The following XCR1 variants were observed in gnomAD, a reference collection of about 807,000 sequenced individuals.
XCR1 encodes the protein chemokine XC receptor 1.
For synonymous variants in XCR1, 187 were observed against 188.5 expected (o/e 0.99, Z 0.06); for missense variants, 356 against 424.2 (o/e 0.84, Z 1.41).
In XCR1 at chr3:46,021,247, T is replaced by G. The variant is rs200377090; in HGVS notation, c.701A>C (p.Tyr234Ser). 5.6e-6 allele frequency: 9 copies of G among 1,614,136 alleles called. No homozygotes were observed. The highest frequency in any genetic ancestry group is 7.6e-6 in the Non-Finnish European group (9 of 1,180,024). The change falls in exon 2 of 2, where the codon TAC becomes TCC. Residue 234 changes from tyrosine (Y) to serine (S), a missense_variant. Physicochemically the swap from Tyr to Ser is moderately radical, Grantham distance 144. Transcript: ENST00000309285. The surrounding 1 kb of genome is among the most constrained non-coding windows in gnomAD (Gnocchi z 4.7). The stretch of plus-strand genomic sequence containing the variant: ...GTTGTAGGGACCCCAGCTGAGGAAG[T>G]AGGCCACCACGATGGCGAAGATGAG... ...VKLIFAIVVA[Y>S]FLSWGPYNFT...
intron 5 of XCR1, among the ~76,000 whole-genome samples, chr3:46,046,844 G>T (rs34924300): frequency 0.22 from 33,993 of 152,108 alleles, 5,236 homozygotes; most frequent in African/African-American, 0.42. Context: ...TTTAAATCAA[G>T]AATTTTGTTT....
chr3:46,017,801 C>G lies in XCR1; in HGVS notation c.*3145G>C, dbSNP rs999125371. Reference sequence around the variant, plus strand: ...CAGGAGTGGTTAGAGGTCTGCAGCTCTGTGTCCAGGACATCTCTGTTTGGA... The same window carrying G: ...CAGGAGTGGTTAGAGGTCTGCAGCTGTGTGTCCAGGACATCTCTGTTTGGA... On this transcript the variant is annotated 3_prime_UTR_variant, in exon 2 of 2. Coordinates refer to ENST00000309285, the MANE Select transcript of XCR1 (RefSeq NM_001024644.2). 3 of 152,202 alleles carry G rather than the reference C, an allele frequency of 2.0e-5. No homozygotes were observed. The highest frequency in any genetic ancestry group is 7.2e-5 in the African/African-American group (3 of 41,434). 9.4% of individuals were successfully genotyped at this position (152,202 alleles called of 1,614,324 possible).
At chr3:46,052,045 A>C (rs560934517) in intron 5 of XCR1, among the ~76,000 whole-genome samples, 1 of 98,354 alleles carries the variant, frequency 1.0e-5, no homozygotes, top group Non-Finnish European at 2.1e-5. Flanking sequence ...AAAACAAAAA[A>C]AAAACTTGAA....
At chr3:46,044,810 C>T (rs1697595245) in intron 5 of XCR1, among the ~76,000 whole-genome samples, 1 of 152,140 alleles carries the variant, frequency 6.6e-6, no homozygotes, top group South Asian at 2.1e-4. Context: ...AGGAGAAATA[C>T]AGAATATGGG....
chr3:46,077,679 A>G (rs1197018670), intron 1 of XCR1, among the ~76,000 whole-genome samples: 1 of 152,166 alleles, frequency 6.6e-6, no homozygotes. Context: ...CATAAAGCCA[A>G]TCACTAATCA....
At chr3:46,032,927 T>G (rs1708426444) in intron 5 of XCR1, among the ~76,000 whole-genome samples, 2 of 152,254 alleles carry the variant, frequency 1.3e-5, no homozygotes, top group African/African-American at 4.8e-5. Context: ...GTCTATCATC[T>G]GTGGTGAAGT....
intron 4 of XCR1, among the ~76,000 whole-genome samples, chr3:46,054,231 G>A (rs1236225586): frequency 6.6e-6 from 1 of 152,078 alleles, no homozygotes; most frequent in African/African-American, 2.4e-5. Flanking sequence ...AGGTGGGTGT[G>A]GAAGAAGGGG....
chr3:46,041,366 AG>A (rs1697534058), intron 5 of XCR1, among the ~76,000 whole-genome samples: 1 of 152,164 alleles, frequency 6.6e-6, no homozygotes, highest in African/African-American at 2.4e-5. Flanking sequence ...GCCAAGTAGA[AG>A]GGTCTGGAGC....
At chr3:46,077,279 C>T (rs1698277175) in intron 1 of XCR1, among the ~76,000 whole-genome samples, 1 of 152,108 alleles carries the variant, frequency 6.6e-6, no homozygotes, top group East Asian at 1.9e-4. Context: ...ACCGGAGGTC[C>T]TCCTCCTGTC....
intron 1 of XCR1, chr3:46,023,963 C>T (rs1392825612): frequency 8.2e-6 from 12 of 1,459,852 alleles, no homozygotes; most frequent in Middle Eastern, 2.4e-4. Flanking sequence ...TTTGTAGAAA[C>T]GTCAGAATTA....
intron 5 of XCR1, among the ~76,000 whole-genome samples, chr3:46,052,073 G>C (rs1197898077): frequency 6.6e-6 from 1 of 152,032 alleles, no homozygotes; most frequent in Non-Finnish European, 1.5e-5. Flanking sequence ...TTCATAACCA[G>C]AGTCAACAAC....
chr3:46,032,077 T>C (rs1332328463), upstream of XCR1, among the ~76,000 whole-genome samples: 2 of 152,248 alleles, frequency 1.3e-5, no homozygotes, highest in Non-Finnish European at 2.9e-5. Flanking sequence ...CTTCTCTGCA[T>C]ACTTCATTCT....
intron 3 of XCR1, among the ~76,000 whole-genome samples, chr3:46,068,849 A>G (rs1039145312): frequency 5.9e-5 from 9 of 152,068 alleles, no homozygotes; most frequent in Admixed American, 2.0e-4. Flanking sequence ...TTAGCTGACA[A>G]AATTCTAGCC....
Position 46,017,682 on chromosome 3 carries a change from C to T in XCR1, c.*3264G>A, listed in dbSNP as rs939955092. On this transcript the variant is annotated 3_prime_UTR_variant, in exon 2 of 2. Transcript: ENST00000309285. ...GGCCTGAGCTTGGAGACATGCTCCG[C>T]TCAGAGATCAGCGAGGTTCTTCTCT... 1 of 152,252 alleles carries T rather than the reference C, an allele frequency of 6.6e-6. No homozygotes were observed. The highest frequency in any genetic ancestry group is 1.5e-5 in the Non-Finnish European group (1 of 68,084). 9.4% of individuals were successfully genotyped at this position (152,252 alleles called of 1,614,324 possible). A position where few individuals can be genotyped will look rare whatever the true frequency, so the allele number is the denominator to read the frequency against.
chr3:46,037,024 C>T (rs1194618930), intron 5 of XCR1, among the ~76,000 whole-genome samples: 1 of 151,938 alleles, frequency 6.6e-6, no homozygotes, highest in African/African-American at 2.4e-5. Context: ...GAGTCATTTC[C>T]AATTAAGGAA....
chr3:46,021,587 T>C lies in XCR1; in HGVS notation c.361A>G (p.Thr121Ala), dbSNP rs1449537414. Residue 121 changes from threonine (T) to alanine (A), a missense_variant, in exon 2 of 2, where the codon ACC becomes GCC. Transcript: ENST00000309285. This position sits in a 1 kb window ranked among gnomAD's most constrained non-coding sequence, Gnocchi z 4.7. The stretch of plus-strand genomic sequence containing the variant: ...AGGTAGCGGTGGATGGTCATGATGG[T>C]CAGGAAGAAGATGCTGCTGTAGAGG... ...ISLYSSIFFL[T>A]IMTIHRYLSV... The C allele has an allele frequency of 6.2e-7, 1 of 1,611,832 alleles. No homozygotes were observed. The highest frequency in any genetic ancestry group is 8.5e-7 in the Non-Finnish European group (1 of 1,178,952).
chr3:46,019,792 C>T lies in XCR1; in HGVS notation c.*1154G>A, dbSNP rs1289823309. The stretch of plus-strand genomic sequence containing the variant: ...TGAGGAGCCACTAAGGGTTTTGAAG[C>T]ACCTGGTGTAAGGGCAGAGAACAGC... On this transcript the variant is annotated 3_prime_UTR_variant, in exon 2 of 2. Coordinates refer to ENST00000309285, the MANE Select transcript of XCR1 (RefSeq NM_001024644.2). 1.3e-5 allele frequency: 2 copies of T among 152,216 alleles called. No individual in the cohort carries two copies. The highest frequency in any genetic ancestry group is 4.8e-5 in the African/African-American group (2 of 41,440). 9.4% of individuals were successfully genotyped at this position (152,216 alleles called of 1,614,324 possible). A position where few individuals can be genotyped will look rare whatever the true frequency, so the allele number is the denominator to read the frequency against.
rs750935046 is a variant in XCR1 at position 46,021,518 on chromosome 3, G to A, written c.430C>T (p.Arg144Cys). Residue 144 changes from arginine to cysteine, a missense_variant, in exon 2 of 2, where the codon CGC becomes TGC. Transcript: ENST00000309285. The surrounding 1 kb of genome is among the most constrained non-coding windows in gnomAD (Gnocchi z 4.7). ...GCCATGGTCACCAGCACCCGGCAGC[G>A]GAGGGTGGGGACGCGCAGGGTGGAG... Reference protein sequence around the residue: ...PLSTLRVPTLRCRVLVTMAVW... With the variant: ...PLSTLRVPTLCCRVLVTMAVW... 11 of 1,612,228 alleles carry A rather than the reference G, an allele frequency of 6.8e-6. No homozygotes were observed. Among genetic ancestry groups the A allele is most frequent in the East Asian group, 6.7e-5 (3 of 44,798 alleles).
intron 4 of XCR1, among the ~76,000 whole-genome samples, chr3:46,061,065 AT>A (rs1420421586): frequency 6.6e-6 from 1 of 152,308 alleles, no homozygotes. Flanking sequence ...TTACTATTTT[AT>A]TTTTTATTTT....
Sources: allele counts gnomAD v4.1 joint callset (sites outside exome capture counted in the v4.1 genomes callset), GRCh38; gene constraint gnomAD v4.1.1; non-coding constraint Gnocchi (gnomAD v3.1); transcripts MANE v1.5; gene names NCBI Gene and HGNC (gene_info 2026-07-23, HGNC 2026-07-21).